The following PRLR variants were observed in gnomAD, a reference collection of about 807,000 sequenced individuals.
PRLR encodes prolactin receptor.
Under a neutral mutation model 40.2 loss-of-function variants are expected in PRLR, and 13 were observed. The observed-to-expected ratio is 0.32, with a 90% CI of 0.21 to 0.51. PRLR has a LOEUF of 0.51. Among genes scored for constraint, PRLR ranks in the 20% least tolerant of loss-of-function variants. PRLR has a pLI of 0.97. For missense variants in PRLR, 656 were observed against 747.3 expected (o/e 0.88, Z 1.42); for synonymous variants, 269 against 278.7 (o/e 0.97, Z 0.35).
intron 6 of PRLR, among the ~76,000 whole-genome samples, chr5:35,071,824 T>G (rs1769759331): frequency 6.6e-6 from 1 of 152,078 alleles, no homozygotes; most frequent in South Asian, 2.1e-4. Context: ...GGTCTCAAAC[T>G]CCTGACCTCA....
intron 1 of PRLR, among the ~76,000 whole-genome samples, chr5:35,149,939 A>G (rs1010250108): frequency 2.6e-5 from 4 of 151,840 alleles, no homozygotes; most frequent in African/African-American, 9.7e-5. Context: ...GCTCACTGCA[A>G]CCTCTGCCTC....
chr5:35,079,755 G>C (rs1770377227), intron 5 of PRLR, among the ~76,000 whole-genome samples: 1 of 152,158 alleles, frequency 6.6e-6, no homozygotes, highest in South Asian at 2.1e-4. Context: ...AAAGAACAAA[G>C]CTGGAGGCGT....
chr5:35,125,764 A>T (rs969061400), intron 1 of PRLR, among the ~76,000 whole-genome samples: 2 of 152,228 alleles, frequency 1.3e-5, no homozygotes, highest in African/African-American at 4.8e-5. Context: ...GCTTAGGATT[A>T]TTTAAGATCA....
At chr5:35,078,160 C>A (rs1443727900) in intron 5 of PRLR, among the ~76,000 whole-genome samples, 1 of 151,960 alleles carries the variant, frequency 6.6e-6, no homozygotes, top group African/African-American at 2.4e-5. Flanking sequence ...GAAGCAAGAG[C>A]AAACACATTC....
Position 35,065,293 on chromosome 5 carries a change from G to T in PRLR, c.1665C>A (p.Asn555Lys), listed in dbSNP as rs774768518. Residue 555 changes from asparagine to lysine, a missense_variant, in exon 10 of 10, where the codon AAC (asparagine) becomes AAA (lysine). Asn to Lys is a moderately conservative substitution (Grantham distance 94). Around this residue, in one of 3 missense-constraint regions of PRLR, gnomAD observed 469 missense variants for 491.5 expected, o/e 0.95. Coordinates refer to ENST00000618457, the MANE Select transcript of PRLR (RefSeq NM_000949.7). ...GATCTGGCACCAACACCAGGATGTT[G>T]TTATCCATGACCCCGGACACCTTGG... is the stretch of plus-strand genomic sequence containing the variant. ...EYAKVSGVMD[N>K]NILVLVPDPH... 3 of 1,614,140 alleles carry T rather than the reference G, an allele frequency of 1.9e-6. No individual in the cohort carries two copies. The highest frequency in any genetic ancestry group is 2.5e-6 in the Non-Finnish European group (3 of 1,180,002).
At chr5:35,156,886 A>C (rs73766760) in intron 1 of PRLR, among the ~76,000 whole-genome samples, 8,693 of 152,102 alleles carry the variant, frequency 0.057, 866 homozygotes, top group African/African-American at 0.2. Flanking sequence ...CTCATGGAAG[A>C]ATTACACATG....
At chr5:35,186,743 T>C (rs1411099180) in intron 1 of PRLR, among the ~76,000 whole-genome samples, 1 of 152,194 alleles carries the variant, frequency 6.6e-6, no homozygotes, top group Non-Finnish European at 1.5e-5. Flanking sequence ...CTCATTTTGC[T>C]CCACCCTTGA....
intron 7 of PRLR, 90 bp downstream of exon 7, chr5:35,070,034 A>G: frequency 4.9e-6 from 7 of 1,433,126 alleles, no homozygotes; most frequent in East Asian, 4.7e-5. Flanking sequence ...CTAAGGCTCA[A>G]AATGGTTTCT....
At chr5:35,129,076 A>G (rs1372259783) in intron 1 of PRLR, among the ~76,000 whole-genome samples, 3 of 152,196 alleles carry the variant, frequency 2.0e-5, no homozygotes. Context: ...GTTAATGACT[A>G]AAAAGCAGAA....
At chr5:35,224,123 C>T (rs2111684154) in intron 1 of PRLR, among the ~76,000 whole-genome samples, 1 of 152,276 alleles carries the variant, frequency 6.6e-6, no homozygotes, top group Admixed American at 6.5e-5. Flanking sequence ...CATAGCGTTA[C>T]AATGCTGGGC....
At chr5:35,048,951 G>A in exon 9 of PRLR, 1 of 379,836 alleles carries the variant, frequency 2.6e-6, no homozygotes, top group Non-Finnish European at 5.2e-6. Context: ...CCCTGTAAGG[G>A]AGACAACTGA....
chr5:35,112,945 G>A (rs375149449), intron 2 of PRLR, among the ~76,000 whole-genome samples: 117 of 152,198 alleles, frequency 7.7e-4, no homozygotes, highest in African/African-American at 2.5e-3. Context: ...TGGGAGTGGG[G>A]CAATTCATAC....
intron 2 of PRLR, among the ~76,000 whole-genome samples, chr5:35,101,675 C>G (rs936558229): frequency 1.3e-5 from 2 of 150,800 alleles, no homozygotes; most frequent in Non-Finnish European, 2.9e-5. Context: ...CACACCCTTT[C>G]AGGAATGAAA....
At chr5:35,108,260 C>T (rs1772406912) in intron 2 of PRLR, among the ~76,000 whole-genome samples, 1 of 152,122 alleles carries the variant, frequency 6.6e-6, no homozygotes. Context: ...AACCCACAGC[C>T]AATATCATAC....
intron 1 of PRLR, among the ~76,000 whole-genome samples, chr5:35,144,767 T>A (rs1774131903): frequency 1.3e-5 from 2 of 152,058 alleles, no homozygotes; most frequent in African/African-American, 4.8e-5. Context: ...CCTGGCCAAA[T>A]TTTTAGGCAA....
chr5:35,095,746 T>C (rs531712581), intron 2 of PRLR, among the ~76,000 whole-genome samples: 27 of 152,382 alleles, frequency 1.8e-4, no homozygotes, highest in African/African-American at 6.3e-4. Context: ...TTGCTGTTTC[T>C]TGAGCAGGTT....
At chr5:35,099,046 C>T (rs1004545133) in intron 2 of PRLR, among the ~76,000 whole-genome samples, 5 of 152,178 alleles carry the variant, frequency 3.3e-5, no homozygotes, top group East Asian at 1.9e-4. Flanking sequence ...TCCTGCTTTC[C>T]CTACCCTCTC....
chr5:35,178,334 T>C (rs1775203585), intron 1 of PRLR, among the ~76,000 whole-genome samples: 1 of 152,224 alleles, frequency 6.6e-6, no homozygotes, highest in Non-Finnish European at 1.5e-5. Flanking sequence ...ATGTGTCATA[T>C]ACATATACTG....
intron 1 of PRLR, among the ~76,000 whole-genome samples, chr5:35,171,512 G>C (rs1774996724): frequency 6.6e-6 from 1 of 152,076 alleles, no homozygotes; most frequent in Non-Finnish European, 1.5e-5. Context: ...GGGCTGTTTT[G>C]GGCACTGACC....
Sources: gnomAD v4.1 joint callset for allele counts (sites outside exome capture counted in the v4.1 genomes callset) on GRCh38, gnomAD v4.1.1 for gene constraint, gnomAD v4.1.1 regional missense constraint, MANE v1.5 for transcripts, NCBI Gene and HGNC (gene_info 2026-07-23, HGNC 2026-07-21) for gene names.